Variants in AKNAD1 observed in about 807,000 individuals in gnomAD.
AKNAD1 encodes the protein AKNA domain containing 1.
A neutral mutation model predicts 90.8 loss-of-function variants in AKNAD1; 67 were observed. That is an observed-to-expected ratio of 0.74 (90% CI 0.61 to 0.90). The LOEUF is 0.90. Among genes scored for constraint, AKNAD1 ranks in the 40% least tolerant of loss-of-function variants. The pLI, the probability that AKNAD1 is intolerant of heterozygous loss-of-function variation, is 0.00. For missense variants in AKNAD1, 957 were observed against 975.4 expected, an observed-to-expected ratio of 0.98 and a Z score of 0.25; for synonymous variants, 327 against 341.4, an observed-to-expected ratio of 0.96 and a Z score of 0.46.
chr1:108,845,464 C>T (rs774313662), intron 5 of AKNAD1, among the ~76,000 whole-genome samples: 2 of 152,228 alleles, frequency 1.3e-5, no homozygotes, highest in Non-Finnish European at 2.9e-5. Context: ...GGCTCTAGGA[C>T]CTGCTTTTCC....
chr1:108,845,508 G>A (rs1436296934), intron 5 of AKNAD1, among the ~76,000 whole-genome samples: 1 of 152,176 alleles, frequency 6.6e-6, no homozygotes, highest in Non-Finnish European at 1.5e-5. Flanking sequence ...AGCTCCCCAC[G>A]GGTCCTTCCA....
At chr1:108,843,056 C>T in intron 6 of AKNAD1, 78 bp downstream of exon 6, 2 of 1,552,086 alleles carry the variant, frequency 1.3e-6, no homozygotes, top group South Asian at 1.2e-5. Context: ...AAGCACTAAG[C>T]CAGCAGCCAC....
At chr1:108,831,318 A>T (rs1664187626) in intron 9 of AKNAD1, among the ~76,000 whole-genome samples, 1 of 152,232 alleles carries the variant, frequency 6.6e-6, no homozygotes, top group African/African-American at 2.4e-5. Context: ...CAATGGCAGA[A>T]GCATCATTGT....
At chr1:108,826,731 CTTTTCTTTTTCTT>C (rs1664005392) in intron 11 of AKNAD1, among the ~76,000 whole-genome samples, 2 of 130,034 alleles carry the variant, frequency 1.5e-5, no homozygotes, top group African/African-American at 6.1e-5. Context: ...TTTTTCTTTT[CTTTTCTTTTTCTT>C]TTTTTTTTTT....
At chr1:108,839,471 T>TAAAA (rs3044857) in intron 6 of AKNAD1, among the ~76,000 whole-genome samples, 168 of 126,098 alleles carry the variant, frequency 1.3e-3, no homozygotes, top group South Asian at 2.6e-3. Context: ...TCCGTCTCAA[T>TAAAA]AAAAAAAAAA....
rs1428693204 is a variant in AKNAD1 at position 108,816,293 on chromosome 1, A to T, written c.2389T>A (p.Ser797Thr). The T allele has an allele frequency of 2.5e-6, 4 of 1,610,372 alleles. No homozygotes were observed. In the African/African-American group the frequency reaches 4.0e-5, roughly 16 times the overall value. ...GTCCTTAGGGCATGATCCAAAGCCG[A>T]GTTTAAAATCTACAGAGGAAAAGTC... ...TEEIKSEILNSALDHALRTAT... is the reference protein window; with the variant it reads ...TEEIKSEILNTALDHALRTAT... The change falls in exon 16 of 16, where the codon TCG becomes ACG. Residue 797 changes from serine (S) to threonine (T), a missense_variant. Transcript: ENST00000370001.
chr1:108,835,952 A>G (rs1374726818), intron 7 of AKNAD1, among the ~76,000 whole-genome samples: 3 of 152,182 alleles, frequency 2.0e-5, no homozygotes, highest in African/African-American at 7.2e-5. Flanking sequence ...TCTCTCTTAC[A>G]GAAATGTAAG....
At chr1:108,847,564 C>T (rs1393121085) in intron 5 of AKNAD1, among the ~76,000 whole-genome samples, 1 of 152,152 alleles carries the variant, frequency 6.6e-6, no homozygotes. Flanking sequence ...CTCCCCCACC[C>T]CCATGTCACC....
At position 108,825,340 on chromosome 1, in the gene AKNAD1, A is replaced by T. The variant is rs1365597072; in HGVS notation, c.1937-1652T>A. 2.6e-5 allele frequency among the ~76,000 whole-genome samples: 4 copies of T among 151,394 alleles called. No individual in the cohort carries two copies. The Admixed American group carries it at 2.7e-4, about 10-fold the overall frequency. On this transcript the variant is annotated intron_variant, in intron 11 of 15. Transcript: ENST00000370001. Reference sequence around the variant, plus strand: ...TTACACAGCTATAGATAGCTAATACACTCACTCACACTCACTCTTTGGTCC... The same window carrying T: ...TTACACAGCTATAGATAGCTAATACTCTCACTCACACTCACTCTTTGGTCC...
At chr1:108,820,112 G>A (rs1190429523) in intron 14 of AKNAD1, among the ~76,000 whole-genome samples, 1 of 152,038 alleles carries the variant, frequency 6.6e-6, no homozygotes, top group African/African-American at 2.4e-5. Context: ...AACTTGCCAA[G>A]TGCCTTCTCA....
intron 14 of AKNAD1, among the ~76,000 whole-genome samples, chr1:108,819,709 T>C (rs1690738): frequency 0.76 from 114,480 of 151,420 alleles, 43,679 homozygotes; most frequent in East Asian, 0.92. Flanking sequence ...GTCAGGAGTT[T>C]GAGACTAGCC....
chr1:108,823,366 T>C lies in AKNAD1; in HGVS notation c.2167+4A>G. ...GGATGGGGTCATGCAGGAGATGTAC[T>C]TACAGGGTGAAGAGTTTTTACTTTC... On this transcript the variant is annotated splice_donor_region_variant and intron_variant, in intron 13 of 15. Coordinates refer to ENST00000370001, the MANE Select transcript of AKNAD1 (RefSeq NM_152763.5). 9 of 1,603,812 alleles carry C rather than the reference T, an allele frequency of 5.6e-6. No homozygotes were observed. Among genetic ancestry groups the C allele is most frequent in the Middle Eastern group, 1.7e-4 (1 of 6,046 alleles).
At chr1:108,833,656 C>T (rs1205597660) in intron 9 of AKNAD1, among the ~76,000 whole-genome samples, 1 of 149,278 alleles carries the variant, frequency 6.7e-6, no homozygotes, top group Admixed American at 6.7e-5. Flanking sequence ...TCTCATTTCT[C>T]TTGTAATAAG....
At position 108,836,026 on chromosome 1, in the gene AKNAD1, A is replaced by G. The variant is rs558502529; in HGVS notation, c.1537-970T>C. On this transcript the variant is annotated intron_variant, in intron 7 of 15. Coordinates refer to ENST00000370001, the MANE Select transcript of AKNAD1 (RefSeq NM_152763.5). ...TATCCCCAATACCTAGAAAAGTGCT[A>G]GCCTATAGCAATACATACTGCTGAG... 4.6e-5 allele frequency among the ~76,000 whole-genome samples: 7 copies of G among 152,328 alleles called. No homozygotes were observed. The East Asian group carries it at 1.3e-3, about 29-fold the overall frequency.
intron 5 of AKNAD1, among the ~76,000 whole-genome samples, chr1:108,845,081 A>C (rs1361664745): frequency 6.6e-6 from 1 of 152,208 alleles, no homozygotes; most frequent in Non-Finnish European, 1.5e-5. Context: ...GGCCTCCCAA[A>C]GTACTGGGAT....
At chr1:108,839,478 A>G (rs968638946) in intron 6 of AKNAD1, among the ~76,000 whole-genome samples, 1 of 151,668 alleles carries the variant, frequency 6.6e-6, no homozygotes, top group African/African-American at 2.4e-5. Context: ...CAATAAAAAA[A>G]AAAAGAAAAG....
intron 1 of AKNAD1, among the ~76,000 whole-genome samples, chr1:108,856,715 C>G (rs1267210866): frequency 1.3e-5 from 2 of 149,826 alleles, no homozygotes; most frequent in African/African-American, 5.0e-5. Flanking sequence ...CTCTCTCTCT[C>G]TCTCACACAC....
chr1:108,818,273 A>G (rs1663690787), intron 14 of AKNAD1, among the ~76,000 whole-genome samples: 1 of 152,182 alleles, frequency 6.6e-6, no homozygotes, highest in Non-Finnish European at 1.5e-5. Flanking sequence ...AACACTTGTG[A>G]GGAATATCAT....
rs568586773 is a variant in AKNAD1, at chr1:108,848,213, T to A, written c.1245+539A>T. Among the ~76,000 whole-genome samples, 160 of 152,244 alleles carry A rather than the reference T, an allele frequency of 1.1e-3. 2 individuals are homozygous for A. The highest frequency in any genetic ancestry group is 3.1e-4 in the Non-Finnish European group (21 of 68,016). ...TCTCCCAGCCTTACCCTTCACCCCA[T>A]TGCTCCACCCCCTTCCCATGATCCT... On this transcript the variant is annotated intron_variant, in intron 5 of 15. Coordinates refer to ENST00000370001, the MANE Select transcript of AKNAD1 (RefSeq NM_152763.5).
Sources: allele counts gnomAD v4.1 joint callset (sites outside exome capture counted in the v4.1 genomes callset), GRCh38; gene constraint gnomAD v4.1.1; transcripts MANE v1.5; gene names NCBI Gene and HGNC (gene_info 2026-07-23, HGNC 2026-07-21).